SLC8A1: variants seen among roughly 807,000 people sequenced by gnomAD.
SLC8A1 encodes the protein sodium/calcium exchanger 1.
In SLC8A1, 18 loss-of-function variants were observed where a neutral mutation model predicts 68.3. The observed-to-expected ratio is 0.26, with a 90% CI of 0.18 to 0.39. The LOEUF is 0.39. SLC8A1 is among the 10% of genes least tolerant of loss of function. The pLI, the probability that SLC8A1 is intolerant of heterozygous loss-of-function variation, is 1.00. For synonymous variants in SLC8A1, 475 were observed against 415.5 expected (o/e 1.14, Z -1.74); for missense variants, 985 against 1,156.7 (o/e 0.85, Z 2.15).
At chr2:40,316,521 CAT>C (rs67617068) in intron 2 of SLC8A1, among the ~76,000 whole-genome samples, 13,228 of 151,966 alleles carry the variant, frequency 0.087, 857 homozygotes, top group African/African-American at 0.18. Flanking sequence ...AAATTAGGAA[CAT>C]GTGTTCTTTG....
At chr2:40,461,644 A>G (rs1395346248) in intron 1 of SLC8A1, among the ~76,000 whole-genome samples, 1 of 152,162 alleles carries the variant, frequency 6.6e-6, no homozygotes, top group Non-Finnish European at 1.5e-5. Flanking sequence ...CACTGATTTT[A>G]CTATTATTTC....
At chr2:40,291,640 C>A (rs1371434292) in intron 2 of SLC8A1, among the ~76,000 whole-genome samples, 1 of 152,116 alleles carries the variant, frequency 6.6e-6, no homozygotes, top group African/African-American at 2.4e-5. Context: ...ACTTGCCCAC[C>A]TGCCAGTCCA....
At position 40,199,515 on chromosome 2, in the gene SLC8A1, T is replaced by C. The variant is rs35108069; in HGVS notation, c.1809-21660A>G. Among the ~76,000 whole-genome samples the C allele has an allele frequency of 8.3e-3, 1,262 of 151,616 alleles. 11 individuals are homozygous for C. The highest frequency in any genetic ancestry group is 0.014 in the Non-Finnish European group (920 of 67,784). On this transcript the variant is annotated intron_variant, in intron 2 of 7. Transcript: ENST00000406785. ...GATTTATTTTCTAGAGGACAGATAC[T>C]ACTCCAAAACAATACTAGATCAAAA... is the stretch of plus-strand genomic sequence containing the variant.
At chr2:40,255,593 G>GGAGT (rs1428834989) in intron 2 of SLC8A1, among the ~76,000 whole-genome samples, 1 of 152,040 alleles carries the variant, frequency 6.6e-6, no homozygotes, top group African/African-American at 2.4e-5. Flanking sequence ...TCACCTCTCT[G>GGAGT]GAGTTTATTT....
At chr2:40,507,063 C>G (rs2149942905) in intron 1 of SLC8A1, among the ~76,000 whole-genome samples, 1 of 152,052 alleles carries the variant, frequency 6.6e-6, no homozygotes, top group African/African-American at 2.4e-5. Flanking sequence ...AGGTCATATG[C>G]TCATAAGCAA....
At chr2:40,221,862 A>G (rs1158080741) in intron 2 of SLC8A1, among the ~76,000 whole-genome samples, 14 of 152,244 alleles carry the variant, frequency 9.2e-5, no homozygotes, top group South Asian at 4.1e-4. Context: ...GCTCAAGGAA[A>G]TAAGAGAGGA....
chr2:40,309,581 A>G (rs1248902854), intron 2 of SLC8A1, among the ~76,000 whole-genome samples: 1 of 142,592 alleles, frequency 7.0e-6, no homozygotes, highest in Non-Finnish European at 1.5e-5. Context: ...ATCTTGGCTG[A>G]CCATAATTTC....
intron 2 of SLC8A1, among the ~76,000 whole-genome samples, chr2:40,238,769 G>C (rs1289782270): frequency 6.6e-6 from 1 of 151,198 alleles, no homozygotes; most frequent in Non-Finnish European, 1.5e-5. Flanking sequence ...ATTGTTCAGA[G>C]ATTTTACTTA....
chr2:40,257,278 C>T (rs1370538951), intron 2 of SLC8A1, among the ~76,000 whole-genome samples: 2 of 152,262 alleles, frequency 1.3e-5, no homozygotes, highest in East Asian at 3.9e-4. Flanking sequence ...GCCTTCCTAA[C>T]ACGCAAGCAT....
intron 2 of SLC8A1, among the ~76,000 whole-genome samples, chr2:40,267,377 C>T (rs998249196): frequency 6.6e-5 from 10 of 152,150 alleles, no homozygotes; most frequent in Non-Finnish European, 8.8e-5. Context: ...GTAACACATA[C>T]GAGTGACCAA....
At chr2:40,489,680 A>C (rs1012280704) in intron 1 of SLC8A1, among the ~76,000 whole-genome samples, 3 of 152,054 alleles carry the variant, frequency 2.0e-5, no homozygotes, top group South Asian at 2.1e-4. Context: ...ACAAAAGAAC[A>C]GGCCCACTCA....
rs116125341 is a variant in SLC8A1, at chr2:40,315,768, C to T, written c.1808+112705G>A. Among the ~76,000 whole-genome samples, 1,017 of 152,018 alleles carry T rather than the reference C, an allele frequency of 6.7e-3. 9 individuals are homozygous for T. The highest frequency in any genetic ancestry group is 0.024 in the African/African-American group (976 of 41,494). On this transcript the variant is annotated intron_variant, in intron 2 of 7. Transcript: ENST00000406785. ...AGACTTATTTTCCAGTAACATGTCC[C>T]AGAGATAGAAATTTATCTAAATGTT...
chr2:40,288,442 G>C (rs1024109604), intron 2 of SLC8A1, among the ~76,000 whole-genome samples: 1 of 152,104 alleles, frequency 6.6e-6, no homozygotes, highest in Non-Finnish European at 1.5e-5. Flanking sequence ...ATCAGTGTGA[G>C]ATATTCTTGC....
intron 1 of SLC8A1, among the ~76,000 whole-genome samples, chr2:40,502,279 G>C (rs1215832017): frequency 6.6e-6 from 1 of 151,986 alleles, no homozygotes; most frequent in Non-Finnish European, 1.5e-5. Context: ...CACTGAAGAA[G>C]GCACAATCAT....
chr2:40,215,643 C>CAA (rs56191722), intron 2 of SLC8A1, among the ~76,000 whole-genome samples: 54 of 69,916 alleles, frequency 7.7e-4, no homozygotes, highest in African/African-American at 2.5e-3. Context: ...GACTCCGTCT[C>CAA]AAAAAAAAAA....
At chr2:40,172,896 C>T (rs145620615) in intron 4 of SLC8A1, among the ~76,000 whole-genome samples, 253 of 152,168 alleles carry the variant, frequency 1.7e-3, no homozygotes, top group African/African-American at 5.5e-3. Flanking sequence ...GAGCCGAGAT[C>T]GCGCCACTGT....
At chr2:40,389,387 AT>A (rs1199712469) in intron 2 of SLC8A1, among the ~76,000 whole-genome samples, 1 of 152,098 alleles carries the variant, frequency 6.6e-6, no homozygotes, top group African/African-American at 2.4e-5. Flanking sequence ...AGTTTGCAAT[AT>A]TTCATATTTA....
At chr2:40,247,985 C>T (rs1258379231) in intron 2 of SLC8A1, among the ~76,000 whole-genome samples, 3 of 152,102 alleles carry the variant, frequency 2.0e-5, no homozygotes, top group East Asian at 3.9e-4. Context: ...GCGTGTGTTC[C>T]GTGAACTCAA....
Position 40,339,788 on chromosome 2 carries a change from T to C in SLC8A1, c.1808+88685A>G, listed in dbSNP as rs531588546. Among the ~76,000 whole-genome samples the C allele has an allele frequency of 8.5e-5, 13 of 152,274 alleles. No individual in the cohort carries two copies. The South Asian group carries it at 2.3e-3, about 27-fold the overall frequency. ...AATTTCTAAGACGTATCTAAATAGA[T>C]GGATGGATAGAAAGACAGACAGAAG... On this transcript the variant is annotated intron_variant, in intron 2 of 7. Coordinates refer to ENST00000406785, the Ensembl canonical transcript of SLC8A1.
Sources: gnomAD v4.1 joint callset for allele counts (sites outside exome capture counted in the v4.1 genomes callset) on GRCh38, gnomAD v4.1.1 for gene constraint, MANE v1.5 for transcripts, NCBI Gene and HGNC (gene_info 2026-07-23, HGNC 2026-07-21) for gene names.